Variants in AFG2A observed in about 807,000 individuals in gnomAD.
AFG2A encodes the protein AAA ATPase AFG2A.
the AFG2A span, among the ~76,000 whole-genome samples, chr4:122,986,707 G>C: frequency 2.6e-5 from 4 of 152,130 alleles, no homozygotes; most frequent in Admixed American, 2.6e-4. Context: ...ACTTACTCAT[G>C]TAACCAAATA....
chr4:123,084,441 TTAAG>T, the AFG2A span, among the ~76,000 whole-genome samples: 1 of 151,934 alleles, frequency 6.6e-6, no homozygotes, highest in African/African-American at 2.4e-5. Flanking sequence ...AAGTTTTGCT[TTAAG>T]TACTGCTTTC....
chr4:122,923,115 A>T, the AFG2A span: 1 of 1,612,994 alleles, frequency 6.2e-7, no homozygotes, highest in South Asian at 1.1e-5. Context: ...CGGCTTTTCT[A>T]CTGCTTCGGC....
chr4:123,307,970 T>G, the AFG2A span, among the ~76,000 whole-genome samples: 1 of 152,206 alleles, frequency 6.6e-6, no homozygotes, highest in Admixed American at 6.5e-5. Context: ...TGAAAGCACC[T>G]AACAATGCAC....
At chr4:123,041,964 T>A in the AFG2A span, among the ~76,000 whole-genome samples, 2 of 152,196 alleles carry the variant, frequency 1.3e-5, no homozygotes. Flanking sequence ...TAATTGAATA[T>A]GATGCAAGGC....
At chr4:123,143,548 C>T in the AFG2A span, among the ~76,000 whole-genome samples, 1 of 151,850 alleles carries the variant, frequency 6.6e-6, no homozygotes, top group Non-Finnish European at 1.5e-5. Flanking sequence ...AATTTTCGGG[C>T]AAATAACTAA....
At chr4:123,201,113 G>A in the AFG2A span, among the ~76,000 whole-genome samples, 9 of 152,214 alleles carry the variant, frequency 5.9e-5, no homozygotes, top group African/African-American at 1.9e-4. Flanking sequence ...TAGTGTAGCT[G>A]TAGTGTGAAC....
At chr4:123,211,611 T>C in the AFG2A span, among the ~76,000 whole-genome samples, 12 of 152,292 alleles carry the variant, frequency 7.9e-5, no homozygotes, top group East Asian at 2.3e-3. Flanking sequence ...AAACTTTTAG[T>C]TACATTGTTT....
At chr4:123,114,215 A>G in the AFG2A span, among the ~76,000 whole-genome samples, 2 of 152,050 alleles carry the variant, frequency 1.3e-5, no homozygotes. Flanking sequence ...CGATTGGTCC[A>G]TGGGCCTGCG....
chr4:123,104,100 T>C, the AFG2A span, among the ~76,000 whole-genome samples: 1 of 152,146 alleles, frequency 6.6e-6, no homozygotes, highest in African/African-American at 2.4e-5. Flanking sequence ...TTGCAAGTAG[T>C]GTATTTTTTA....
At chr4:122,977,125 T>C in the AFG2A span, among the ~76,000 whole-genome samples, 1 of 152,180 alleles carries the variant, frequency 6.6e-6, no homozygotes, top group South Asian at 2.1e-4. Flanking sequence ...TTATTGGTGA[T>C]AATTCTGTCA....
the AFG2A span, among the ~76,000 whole-genome samples, chr4:123,015,805 G>A: frequency 1.4e-5 from 1 of 71,862 alleles, no homozygotes; most frequent in African/African-American, 3.8e-5. Context: ...CGGCTCGGGT[G>A]GGGGGCTGAC....
chr4:123,172,540 G>A, the AFG2A span, among the ~76,000 whole-genome samples: 3 of 151,960 alleles, frequency 2.0e-5, no homozygotes, highest in Admixed American at 6.6e-5. Flanking sequence ...TAATCTATAG[G>A]CGAAAAAGAG....
At chr4:123,297,188 A>G in the AFG2A span, among the ~76,000 whole-genome samples, 1 of 152,194 alleles carries the variant, frequency 6.6e-6, no homozygotes, top group Non-Finnish European at 1.5e-5. Flanking sequence ...TTTCTTTGCC[A>G]ATAGATTTAA....
chr4:122,987,296 A>G, the AFG2A span, among the ~76,000 whole-genome samples: 2 of 152,178 alleles, frequency 1.3e-5, no homozygotes, highest in Non-Finnish European at 2.9e-5. Context: ...TTAACAATGC[A>G]TATAGAATAC....
the AFG2A span, among the ~76,000 whole-genome samples, chr4:122,944,459 G>C: frequency 6.6e-6 from 1 of 152,138 alleles, no homozygotes; most frequent in African/African-American, 2.4e-5. Flanking sequence ...TCTTCACGTA[G>C]TTCTCGAGCC....
chr4:123,273,221 G>A, the AFG2A span, among the ~76,000 whole-genome samples: 4 of 152,042 alleles, frequency 2.6e-5, no homozygotes, highest in Admixed American at 2.6e-4. Flanking sequence ...TATATAATGA[G>A]CTACGTTAAC....
chr4:123,054,736 G>C, the AFG2A span, among the ~76,000 whole-genome samples: 1 of 151,894 alleles, frequency 6.6e-6, no homozygotes, highest in Admixed American at 6.6e-5. Flanking sequence ...AATTAGTAAT[G>C]TTAAGTCAAA....
chr4:123,204,189 G>A, the AFG2A span, among the ~76,000 whole-genome samples: 1 of 152,144 alleles, frequency 6.6e-6, no homozygotes, highest in African/African-American at 2.4e-5. Context: ...TCTTTGCTAT[G>A]TAAAGTAACA....
the AFG2A span, among the ~76,000 whole-genome samples, chr4:123,277,417 C>T: frequency 6.6e-6 from 1 of 152,136 alleles, no homozygotes; most frequent in African/African-American, 2.4e-5. Context: ...ATCATGTTGT[C>T]TGCAAACAGG....
Sources: gnomAD v4.1 joint callset for allele counts (sites outside exome capture counted in the v4.1 genomes callset) on GRCh38, gnomAD v4.1.1 for gene constraint, MANE v1.5 for transcripts, NCBI Gene and HGNC (gene_info 2026-07-23, HGNC 2026-07-21) for gene names.